CD99L2: variants seen among roughly 807,000 people sequenced by gnomAD.
The protein encoded by CD99L2 is CD99 molecule like 2, also known as CD99 antigen-like protein 2.
Under a neutral mutation model 27.3 loss-of-function variants are expected in CD99L2, and 24 were observed. The ratio of observed to expected loss-of-function variants is 0.88; its 90% CI spans 0.64 to 1.24. CD99L2 has a LOEUF of 1.24. Among genes scored for constraint, CD99L2 ranks in the 50% most tolerant of loss-of-function variants. The pLI is 0.00. For missense variants in CD99L2, 255 were observed against 221.6 expected (o/e 1.15, Z -0.96); for synonymous variants, 97 against 87.9 (o/e 1.10, Z -0.58).
At chrX:150,816,284 T>G (rs886742667) in intron 2 of CD99L2, 1 of 417,098 alleles carries the variant, frequency 2.4e-6, no homozygotes. Flanking sequence ...CTCACTTTTC[T>G]TTGGAGGCTG....
At chrX:150,776,388 A>C in intron 8 of CD99L2, 95 bp from the exon 9 acceptor site, 1 of 1,001,364 alleles carries the variant, frequency 1.0e-6, no homozygotes, top group African/African-American at 1.9e-5. Context: ...CTAGCACCAA[A>C]CTACTAGACG....
At chrX:150,877,959 TACACACACACACACACAC>T (rs72172934) in intron 1 of CD99L2, among the ~76,000 whole-genome samples, 5 of 83,076 alleles carry the variant, frequency 6.0e-5, no homozygotes, top group Admixed American at 1.4e-4. Context: ...CTCAAACACA[TACACACACACACACACAC>T]ACACACACAC....
intron 4 of CD99L2, among the ~76,000 whole-genome samples, chrX:150,805,746 C>T (rs1471350432): frequency 9.0e-6 from 1 of 111,408 alleles, no homozygotes; most frequent in Non-Finnish European, 1.9e-5. Flanking sequence ...TACGGTGACT[C>T]GGAAGGATCT....
At chrX:150,815,889 G>A in intron 3 of CD99L2, 118 bp downstream of exon 3, 2 of 682,641 alleles carry the variant, frequency 2.9e-6, no homozygotes, top group South Asian at 2.2e-5. Flanking sequence ...TCACATGGAT[G>A]CCTTGATTGT....
intron 1 of CD99L2, among the ~76,000 whole-genome samples, chrX:150,856,467 G>A (rs782304055): frequency 2.5e-4 from 28 of 111,004 alleles, no homozygotes; most frequent in African/African-American, 9.2e-4. Context: ...ATGTTCCAGA[G>A]GAGGCTTTCC....
chrX:150,861,141 C>CAAAAAAAAAAAAAAAAAAAAAAAA (rs782255590), intron 1 of CD99L2, among the ~76,000 whole-genome samples: 14 of 40,912 alleles, frequency 3.4e-4, no homozygotes, highest in African/African-American at 7.0e-4. Context: ...GACTCTGTCT[C>CAAAAAAAAAAAAAAAAAAAAAAAA]AAAAAAAAAA....
intron 1 of CD99L2, among the ~76,000 whole-genome samples, chrX:150,863,712 G>T (rs1230864391): frequency 1.8e-5 from 2 of 112,455 alleles, no homozygotes. Context: ...CTATGAATGT[G>T]ATCTTATTTG....
intron 4 of CD99L2, among the ~76,000 whole-genome samples, chrX:150,804,907 C>T (rs1289454973): frequency 9.0e-6 from 1 of 111,673 alleles, no homozygotes; most frequent in Non-Finnish European, 1.9e-5. Context: ...AAAATCTGGC[C>T]AGGCGTGGTG....
chrX:150,845,247 T>G (rs2046685087), intron 1 of CD99L2, among the ~76,000 whole-genome samples: 1 of 110,074 alleles, frequency 9.1e-6, no homozygotes, highest in South Asian at 3.9e-4. Flanking sequence ...AAAAATGGAG[T>G]GGGTGCCAGG....
intron 1 of CD99L2, among the ~76,000 whole-genome samples, chrX:150,859,976 C>A (rs1052868486): frequency 6.3e-5 from 7 of 111,172 alleles, no homozygotes; most frequent in African/African-American, 2.0e-4. Flanking sequence ...CTAACTTATT[C>A]TATGAGGCCA....
intron 1 of CD99L2, among the ~76,000 whole-genome samples, chrX:150,880,676 A>G (rs2047311758): frequency 8.9e-6 from 1 of 111,858 alleles, no homozygotes; most frequent in Non-Finnish European, 1.9e-5. Flanking sequence ...GTATTTTAAC[A>G]GGTAAATCGT....
intron 2 of CD99L2, chrX:150,829,342 C>A: frequency 3.0e-6 from 1 of 328,216 alleles, no homozygotes; most frequent in Non-Finnish European, 5.9e-6. Context: ...TAACAAGCAT[C>A]TTTGTAAGAG....
chrX:150,807,236 C>A (rs2046008749), intron 4 of CD99L2, among the ~76,000 whole-genome samples: 1 of 110,864 alleles, frequency 9.0e-6, no homozygotes, highest in Non-Finnish European at 1.9e-5. Flanking sequence ...GCCAAGCAGA[C>A]CAGCAGGCAC....
At chrX:150,777,623 C>T (rs2045422300) in intron 7 of CD99L2, 141 bp from the exon 8 acceptor site, 2 of 603,116 alleles carry the variant, frequency 3.3e-6, no homozygotes, top group South Asian at 3.0e-5. Flanking sequence ...CACCCGTAGG[C>T]TTCTACTGGA....
At chrX:150,820,134 A>G (rs1557420633) in intron 2 of CD99L2, among the ~76,000 whole-genome samples, 1 of 110,824 alleles carries the variant, frequency 9.0e-6, no homozygotes, top group East Asian at 2.8e-4. Context: ...TCAATAAAAT[A>G]CTAGCAAACC....
chrX:150,770,446 C>A, intron 9 of CD99L2, 77 bp from the exon 10 acceptor site: 1 of 954,955 alleles, frequency 1.0e-6, no homozygotes, highest in Non-Finnish European at 1.5e-6. Context: ...AACTCCTGAC[C>A]AAGTCCTCTG....
intron 1 of CD99L2, among the ~76,000 whole-genome samples, chrX:150,866,011 C>CAG (rs2047055211): frequency 5.4e-5 from 6 of 111,857 alleles, no homozygotes; most frequent in Non-Finnish European, 1.1e-4. Flanking sequence ...GTCCGTGCTA[C>CAG]TCTGGAGGCT....
intron 9 of CD99L2, among the ~76,000 whole-genome samples, chrX:150,773,048 A>G (rs2043489015): frequency 8.9e-6 from 1 of 112,801 alleles, no homozygotes; most frequent in African/African-American, 3.2e-5. Context: ...TTTCATTTTA[A>G]TGTCCCACAG....
At chrX:150,805,631 G>A (rs1557420210) in intron 4 of CD99L2, among the ~76,000 whole-genome samples, 2 of 111,056 alleles carry the variant, frequency 1.8e-5, no homozygotes. Flanking sequence ...TCAAAAACTG[G>A]GAGCAACCCA....
Sources: allele counts gnomAD v4.1 joint callset (sites outside exome capture counted in the v4.1 genomes callset), GRCh38; gene constraint gnomAD v4.1.1; transcripts MANE v1.5; gene names NCBI Gene and HGNC (gene_info 2026-07-23, HGNC 2026-07-21).